TBC1D9: variants seen among roughly 807,000 people sequenced by gnomAD.
TBC1D9 encodes the protein TBC1 domain family member 9.
Under a neutral mutation model 132.0 loss-of-function variants are expected in TBC1D9, and 63 were observed. The observed-to-expected ratio is 0.48, with a 90% CI of 0.39 to 0.59. The LOEUF is 0.59. TBC1D9 is among the 20% of genes least tolerant of loss of function. The pLI, the probability that TBC1D9 is intolerant of heterozygous loss-of-function variation, is 0.00. For synonymous variants in TBC1D9, 610 were observed against 609.9 expected, an observed-to-expected ratio of 1.00 and a Z score of 0.00; for missense variants, 1,261 against 1,592.7, an observed-to-expected ratio of 0.79 and a Z score of 3.54.
At chr4:140,703,236 G>A (rs866078879) in intron 1 of TBC1D9, among the ~76,000 whole-genome samples, 2 of 152,210 alleles carry the variant, frequency 1.3e-5, no homozygotes, top group Non-Finnish European at 2.9e-5. Flanking sequence ...GTGCCATATT[G>A]CAGGCTTTTC....
chr4:140,734,253 C>T (rs1053678262), intron 1 of TBC1D9, among the ~76,000 whole-genome samples: 6 of 152,120 alleles, frequency 3.9e-5, no homozygotes, highest in Non-Finnish European at 2.9e-5. Context: ...CTCAGTCTCC[C>T]GAGTAGCTGG....
intron 3 of TBC1D9, 82 bp downstream of exon 3, chr4:140,686,262 T>A (rs1310162678): frequency 6.6e-6 from 6 of 915,766 alleles, no homozygotes; most frequent in Non-Finnish European, 1.0e-5. Context: ...TACAGGTATG[T>A]TTTACTCAAT....
intron 2 of TBC1D9, among the ~76,000 whole-genome samples, chr4:140,690,548 C>A (rs193213826): frequency 1.1e-4 from 17 of 152,172 alleles, no homozygotes; most frequent in African/African-American, 4.1e-4. Flanking sequence ...AAAAGGCTGG[C>A]CTTTTGGAGT....
intron 16 of TBC1D9, among the ~76,000 whole-genome samples, chr4:140,632,179 T>C (rs922749774): frequency 6.6e-6 from 1 of 152,172 alleles, no homozygotes; most frequent in African/African-American, 2.4e-5. Context: ...TGAATTTAAG[T>C]AAATTAAATA....
chr4:140,747,009 A>G (rs565087382), intron 1 of TBC1D9, among the ~76,000 whole-genome samples: 1 of 151,284 alleles, frequency 6.6e-6, no homozygotes, highest in South Asian at 2.1e-4. Context: ...TCTATTAAAT[A>G]AAAATAAAAA....
chr4:140,692,549 G>A (rs1737892461), intron 2 of TBC1D9, among the ~76,000 whole-genome samples: 1 of 152,008 alleles, frequency 6.6e-6, no homozygotes. Context: ...GAGGGCAAAA[G>A]ACAAAACCCA....
chr4:140,734,941 A>G (rs1389096314), intron 1 of TBC1D9, among the ~76,000 whole-genome samples: 8 of 152,230 alleles, frequency 5.3e-5, no homozygotes, highest in Non-Finnish European at 1.2e-4. Context: ...AAAGAAGTTA[A>G]GAACTACATT....
At chr4:140,722,609 A>C (rs781344027) in intron 1 of TBC1D9, among the ~76,000 whole-genome samples, 5 of 152,196 alleles carry the variant, frequency 3.3e-5, no homozygotes, top group African/African-American at 4.8e-5. Context: ...CAAATCACAT[A>C]ATGATAGAGA....
chr4:140,685,708 T>A (rs1436096788), intron 3 of TBC1D9, among the ~76,000 whole-genome samples: 1 of 152,176 alleles, frequency 6.6e-6, no homozygotes, highest in African/African-American at 2.4e-5. Context: ...ATGTTAAATA[T>A]TGCAGGTGAT....
chr4:140,644,250 T>A (rs1299800556), intron 13 of TBC1D9: 5 of 305,998 alleles, frequency 1.6e-5, no homozygotes, highest in Non-Finnish European at 1.9e-5. Context: ...CAACTCCAAG[T>A]CCTTCTTCTC....
chr4:140,657,085 G>A lies in TBC1D9; in HGVS notation c.2337+12C>T, dbSNP rs1278299825. ...ATGGTTAAGCCCTGCTCAGCCAGGA[G>A]ACAAGACCTACCTCGTAGGAAGTTC... is the stretch of plus-strand genomic sequence containing the variant. On this transcript the variant is annotated intron_variant, in intron 13 of 20. Transcript: ENST00000442267. 2 of 1,612,800 alleles carry A rather than the reference G, an allele frequency of 1.2e-6. No homozygotes were observed. The highest frequency in any genetic ancestry group is 1.7e-5 in the Admixed American group (1 of 59,960).
intron 17 of TBC1D9, among the ~76,000 whole-genome samples, 193 bp from the exon 18 acceptor site, chr4:140,627,720 C>G (rs932388691): frequency 6.6e-6 from 1 of 152,174 alleles, no homozygotes; most frequent in Admixed American, 6.5e-5. Context: ...TCCACCTTCC[C>G]TTTTAACAAC....
intron 1 of TBC1D9, among the ~76,000 whole-genome samples, chr4:140,710,191 T>G (rs1315337507): frequency 1.3e-5 from 2 of 152,000 alleles, no homozygotes; most frequent in African/African-American, 4.8e-5. Flanking sequence ...ACTCAACATA[T>G]GTGAATGAAG....
intron 1 of TBC1D9, among the ~76,000 whole-genome samples, chr4:140,747,816 G>A (rs530079539): frequency 2.0e-5 from 3 of 152,314 alleles, no homozygotes; most frequent in East Asian, 1.9e-4. Context: ...GGGTTGGGAC[G>A]ATGGAGGGCT....
chr4:140,721,024 T>G (rs1329298183), intron 1 of TBC1D9, among the ~76,000 whole-genome samples: 2 of 152,206 alleles, frequency 1.3e-5, no homozygotes, highest in East Asian at 3.9e-4. Context: ...AGCCAGTCTT[T>G]GAAGAAGGTT....
intron 13 of TBC1D9, among the ~76,000 whole-genome samples, chr4:140,645,871 C>T (rs542999500): frequency 5.9e-5 from 9 of 152,328 alleles, no homozygotes; most frequent in Middle Eastern, 3.4e-3. Flanking sequence ...GCACTGTATT[C>T]GGTCCTCCAT....
intron 13 of TBC1D9, chr4:140,642,355 T>C: frequency 1.2e-6 from 1 of 828,594 alleles, no homozygotes; most frequent in African/African-American, 1.7e-5. Flanking sequence ...TTGGCGGCCC[T>C]TTTGTGTTTA....
At position 140,622,925 on chromosome 4, in the gene TBC1D9, G is replaced by A. The variant is rs1014508504; in HGVS notation, c.3079-8C>T. 4.6e-6 allele frequency: 7 copies of A among 1,507,484 alleles called. No homozygotes were observed. In the African/African-American group the frequency reaches 8.3e-5, roughly 18 times the overall value. The allele number at this position is 1,507,484 out of a possible 1,614,324, so 93.4% of individuals were successfully genotyped here. A position where few individuals can be genotyped will look rare whatever the true frequency, so the allele number is the denominator to read the frequency against. On this transcript the variant is annotated splice_polypyrimidine_tract_variant and splice_region_variant and intron_variant, in intron 20 of 20. Transcript: ENST00000442267. ...CAGTTCAATGAACTGCCCCTGAAAA[G>A]CGATTTGGAAAAACACAATGTGAAA...
chr4:140,636,620 C>A (rs959887572), intron 15 of TBC1D9, among the ~76,000 whole-genome samples: 1 of 152,106 alleles, frequency 6.6e-6, no homozygotes, highest in Non-Finnish European at 1.5e-5. Flanking sequence ...CTCCTGGGCT[C>A]CAGCACTCCA....
Sources: allele counts gnomAD v4.1 joint callset (sites outside exome capture counted in the v4.1 genomes callset), GRCh38; gene constraint gnomAD v4.1.1; transcripts MANE v1.5; gene names NCBI Gene and HGNC (gene_info 2026-07-23, HGNC 2026-07-21).